IFT22: variants seen among roughly 807,000 people sequenced by gnomAD.
IFT22 encodes intraflagellar transport protein 22 homolog.
Under a neutral mutation model 21.0 loss-of-function variants are expected in IFT22, and 13 were observed. The observed-to-expected ratio is 0.62, with a 90% confidence interval of 0.40 to 0.98. The LOEUF (loss-of-function observed/expected upper bound fraction) is 0.98. IFT22 is among the 50% of genes least tolerant of loss of function. The probability of loss-of-function intolerance (pLI) is 0.00; values close to 1 mark genes in which losing one functional copy is unlikely to be tolerated. For missense variants in IFT22, 227 were observed against 228.9 expected (o/e 0.99, Z 0.06); for synonymous variants, 67 against 82.4 (o/e 0.81, Z 1.01).
rs1790219271 is a variant in IFT22 at position 101,318,184 on chromosome 7, G to A, written c.146C>T (p.Thr49Ile). 3 of 1,612,826 alleles carry A rather than the reference G, an allele frequency of 1.9e-6. No individual in the cohort carries two copies. Among genetic ancestry groups the A allele is most frequent in the Non-Finnish European group, 1.7e-6 (2 of 1,179,110 alleles). ...RILEFENPHV[T>I]SNNKGTGCEF... Reference sequence around the variant, plus strand: ...ACAGCCCGTGCCTTTGTTGTTGCTGGTAACATGCGGGTTCTCAAATTCTAG... The same window carrying A: ...ACAGCCCGTGCCTTTGTTGTTGCTGATAACATGCGGGTTCTCAAATTCTAG... The change falls in exon 3 of 5, where the codon ACC (threonine) becomes ATC (isoleucine). Residue 49 changes from threonine to isoleucine, a missense_variant. Transcript: ENST00000315322.
intron 1 of IFT22, chr7:101,321,429 T>C (rs1790344315): frequency 1.8e-6 from 1 of 545,678 alleles, no homozygotes; most frequent in Non-Finnish European, 3.2e-6. Flanking sequence ...CTCAGTACCT[T>C]GGGCCTTCGG....
chr7:101,310,987 T>TC lies in IFT22; in HGVS notation c.*4146_*4147insG. 1 of 288,682 alleles carries TC rather than the reference T, an allele frequency of 3.5e-6. No individual in the cohort carries two copies. Among genetic ancestry groups the TC allele is most frequent in the Admixed American group, 4.5e-5 (1 of 22,262 alleles). The allele number at this position is 288,682 out of a possible 1,614,324, so 17.9% of individuals were successfully genotyped here. ...TTCAGGTGAACAAAATCTGCTGGGT[T>TC]AATTTTTTTTTTTTTTTTTTTTTTG... On this transcript the variant is annotated 3_prime_UTR_variant, in exon 5 of 5. Transcript: ENST00000315322.
chr7:101,315,440 C>T (rs773897343), intron 4 of IFT22, 158 bp from the exon 5 acceptor site: 1,127 of 735,782 alleles, frequency 1.5e-3, no homozygotes, highest in Non-Finnish European at 2.4e-3. Flanking sequence ...GCTATACTGC[C>T]CCCTGGCGAC....
intron 1 of IFT22, among the ~76,000 whole-genome samples, chr7:101,321,251 G>T (rs1790338453): frequency 6.6e-6 from 1 of 152,146 alleles, no homozygotes; most frequent in South Asian, 2.1e-4. Flanking sequence ...TGAGCCCAGG[G>T]AAGTCGAGGC....
In IFT22 at chr7:101,315,038, G is replaced by T; in HGVS notation, c.*96C>A. 7.3e-7 allele frequency: 1 copy of T among 1,368,578 alleles called. No individual in the cohort carries two copies. The highest frequency in any genetic ancestry group is 1.0e-6 in the Non-Finnish European group (1 of 1,001,200). The allele number at this position is 1,368,578 out of a possible 1,614,324, so 84.8% of individuals were successfully genotyped here. On this transcript the variant is annotated 3_prime_UTR_variant, in exon 5 of 5. Coordinates refer to ENST00000315322, the MANE Select transcript of IFT22 (RefSeq NM_022777.4). ...AGGAACACTTCCTCTGCAGTCAGAGGGAGAAGAAAACATCAGGAGCTGGAT... is the reference window on the plus strand; with the variant it reads ...AGGAACACTTCCTCTGCAGTCAGAGTGAGAAGAAAACATCAGGAGCTGGAT...
intron 3 of IFT22, among the ~76,000 whole-genome samples, chr7:101,317,602 T>C (rs1403116308): frequency 6.6e-6 from 1 of 152,112 alleles, no homozygotes; most frequent in Admixed American, 6.6e-5. Flanking sequence ...CATAACCTAA[T>C]CACTAAAGTG....
At chr7:101,320,587 A>G (rs1422509571) in intron 1 of IFT22, among the ~76,000 whole-genome samples, 1 of 127,348 alleles carries the variant, frequency 7.9e-6, no homozygotes, top group Non-Finnish European at 1.6e-5. Flanking sequence ...TTTTAAACGC[A>G]TTTAGCCTTA....
rs1177696642 is a variant in IFT22 at position 101,310,956 on chromosome 7, T to A, written c.*4178A>T. 3.1e-6 allele frequency: 1 copy of A among 327,746 alleles called. No individual in the cohort carries two copies. The highest frequency in any genetic ancestry group is 6.1e-6 in the Non-Finnish European group (1 of 163,986). The allele number at this position is 327,746 out of a possible 1,614,324, so 20.3% of individuals were successfully genotyped here. ...TTCAAATATTTAATGGGTTGTACTC[T>A]GGCCATTCAGGTGAACAAAATCTGC... On this transcript the variant is annotated 3_prime_UTR_variant, in exon 5 of 5. Transcript: ENST00000315322.
chr7:101,315,356 C>A (rs748602367), intron 4 of IFT22, 74 bp from the exon 5 acceptor site: 137 of 1,501,242 alleles, frequency 9.1e-5, no homozygotes, highest in Non-Finnish European at 1.2e-4. Context: ...AATGAAACTT[C>A]TAGAAGAAAT....
At chr7:101,315,419 A>AGAATG in intron 4 of IFT22, 137 bp from the exon 5 acceptor site, 2 of 935,180 alleles carry the variant, frequency 2.1e-6, no homozygotes, top group Non-Finnish European at 3.3e-6. Context: ...CAGAGAACAG[A>AGAATG]GAATGGGTTT....
intron 1 of IFT22, among the ~76,000 whole-genome samples, chr7:101,320,261 T>G (rs1048408330): frequency 7.0e-6 from 1 of 142,368 alleles, no homozygotes; most frequent in African/African-American, 2.8e-5. Flanking sequence ...CCGGCTGGGT[T>G]TTTTTTTTTT....
Position 101,319,859 on chromosome 7 carries a change from G to A in IFT22, c.40-827C>T, listed in dbSNP as rs187651939. On this transcript the variant is annotated intron_variant, in intron 1 of 4. Transcript: ENST00000315322. ...GGGGTTTCCCTATGTTGCCCAGGCTGGTCTTGAATGCTTGAGCTCAAGTGG... is the reference window on the plus strand; with the variant it reads ...GGGGTTTCCCTATGTTGCCCAGGCTAGTCTTGAATGCTTGAGCTCAAGTGG... Among the ~76,000 whole-genome samples the A allele has an allele frequency of 5.3e-5, 8 of 151,994 alleles. No individual in the cohort carries two copies. In the East Asian group the frequency reaches 1.4e-3, roughly 26 times the overall value.
intron 3 of IFT22, among the ~76,000 whole-genome samples, chr7:101,316,963 C>CG (rs1396490281): frequency 2.7e-5 from 4 of 145,766 alleles, no homozygotes; most frequent in East Asian, 2.0e-4. Flanking sequence ...TGGGGGATGA[C>CG]TTTTTTTTTT....
intron 1 of IFT22, among the ~76,000 whole-genome samples, chr7:101,319,528 G>T (rs1456675064): frequency 6.6e-6 from 1 of 151,442 alleles, no homozygotes. Flanking sequence ...CAGCCAAGGA[G>T]TTCTTTTAGG....
Position 101,316,483 on chromosome 7 carries a change from T to C in IFT22, c.266A>G (p.Asn89Ser), listed in dbSNP as rs139909765. ...KDAHGVVIVF[N>S]ADIPSHRKEM... Reference sequence around the variant, plus strand: ...CTTCCGGTGGCTTGGGATGTCAGCATTGAAGACGATCACCACTCCATGAGC... The same window carrying C: ...CTTCCGGTGGCTTGGGATGTCAGCACTGAAGACGATCACCACTCCATGAGC... Residue 89 changes from asparagine to serine, a missense_variant, in exon 4 of 5, where the codon AAT becomes AGT. Asn to Ser is a conservative substitution (Grantham distance 46). Transcript: ENST00000315322. The C allele has an allele frequency of 2.2e-4, 351 of 1,614,116 alleles. 2 individuals carry two copies. The African/African-American group carries it at 2.8e-3, about 13-fold the overall frequency.
At chr7:101,317,639 A>C (rs73180991) in intron 3 of IFT22, among the ~76,000 whole-genome samples, 587 of 152,170 alleles carry the variant, frequency 3.9e-3, no homozygotes, top group Non-Finnish European at 5.8e-3. Flanking sequence ...TCAGCAAATC[A>C]TTTATCAAGC....
chr7:101,318,115 G>T lies in IFT22; in HGVS notation c.206+9C>A. On this transcript the variant is annotated intron_variant, in intron 3 of 4. Coordinates refer to ENST00000315322, the MANE Select transcript of IFT22 (RefSeq NM_022777.4). ...TTTGATGAAGTGACTTTCTTTAAAG[G>T]AAACATACTTAGCATCGCCACCACA... 6.2e-7 allele frequency: 1 copy of T among 1,610,362 alleles called. No individual in the cohort carries two copies. The highest frequency in any genetic ancestry group is 8.5e-7 in the Non-Finnish European group (1 of 1,176,934).
chr7:101,321,076 G>C (rs758483360), intron 1 of IFT22, among the ~76,000 whole-genome samples: 1 of 152,104 alleles, frequency 6.6e-6, no homozygotes, highest in Non-Finnish European at 1.5e-5. Context: ...CCGGGAGGCG[G>C]AGTTTGCACT....
intron 3 of IFT22, 36 bp from the exon 4 acceptor site, chr7:101,316,578 G>A (rs74199090): frequency 0.057 from 91,104 of 1,598,200 alleles, 2,785 homozygotes; most frequent in African/African-American, 0.09. Context: ...GGAAAGTTAG[G>A]TCATTCTGGT....
Sources: gnomAD v4.1 joint callset for allele counts (sites outside exome capture counted in the v4.1 genomes callset) on GRCh38, gnomAD v4.1.1 for gene constraint, MANE v1.5 for transcripts, NCBI Gene and HGNC (gene_info 2026-07-23, HGNC 2026-07-21) for gene names.